Variants in BLTP1 observed in about 807,000 individuals in gnomAD.
BLTP1 encodes fragile site-associated protein.
chr4:122,285,597 A>T, the BLTP1 span, among the ~76,000 whole-genome samples: 1 of 152,198 alleles, frequency 6.6e-6, no homozygotes, highest in African/African-American at 2.4e-5. Context: ...AGTGAATGTG[A>T]CATATAGGAG....
At chr4:122,320,066 T>TA in the BLTP1 span, among the ~76,000 whole-genome samples, 58 of 152,288 alleles carry the variant, frequency 3.8e-4, no homozygotes, top group African/African-American at 1.3e-3. Context: ...TGATAAAGGG[T>TA]TATTGAGTCT....
At chr4:122,348,868 T>A in the BLTP1 span, 1 of 593,994 alleles carries the variant, frequency 1.7e-6, no homozygotes, top group Non-Finnish European at 2.9e-6. Flanking sequence ...GAAAATGGCT[T>A]AATTCTAAGG....
chr4:122,191,218 G>T, the BLTP1 span, among the ~76,000 whole-genome samples: 1 of 152,040 alleles, frequency 6.6e-6, no homozygotes, highest in Non-Finnish European at 1.5e-5. Context: ...AAATATTCTG[G>T]TGTCTTGAGG....
the BLTP1 span, chr4:122,154,386 A>T: frequency 4.1e-6 from 4 of 984,898 alleles, no homozygotes; most frequent in East Asian, 4.5e-4. Flanking sequence ...TGGTGGTGAT[A>T]TGTAATGTAA....
chr4:122,168,834 ATTTTC>A, the BLTP1 span, among the ~76,000 whole-genome samples: 2 of 152,092 alleles, frequency 1.3e-5, no homozygotes, highest in African/African-American at 4.8e-5. Flanking sequence ...GCTCTGTATT[ATTTTC>A]TTAAGAGATG....
the BLTP1 span, among the ~76,000 whole-genome samples, chr4:122,219,888 G>T: frequency 1.3e-5 from 2 of 152,056 alleles, no homozygotes; most frequent in Non-Finnish European, 2.9e-5. Flanking sequence ...CATTTTCTTA[G>T]CTTTTATCTC....
the BLTP1 span, chr4:122,334,486 C>T: frequency 6.2e-7 from 1 of 1,612,712 alleles, no homozygotes; most frequent in Non-Finnish European, 8.5e-7. Flanking sequence ...CCTTTACCTT[C>T]CACTGTCCAG....
At chr4:122,189,965 T>A in the BLTP1 span, 11 of 1,604,174 alleles carry the variant, frequency 6.9e-6, no homozygotes, top group Admixed American at 1.7e-5. Context: ...TTCTGGAGAT[T>A]TGTTTAGTTT....
chr4:122,341,500 T>C, the BLTP1 span, among the ~76,000 whole-genome samples: 3 of 152,202 alleles, frequency 2.0e-5, no homozygotes, highest in Admixed American at 1.3e-4. Context: ...CATAAATTAT[T>C]AGCACTTAAA....
chr4:122,231,626 G>A, the BLTP1 span: 137 of 954,956 alleles, frequency 1.4e-4, no homozygotes, highest in Non-Finnish European at 1.6e-4. Context: ...ATTTGAGAAA[G>A]CCATTCTTTT....
the BLTP1 span, among the ~76,000 whole-genome samples, chr4:122,159,819 C>G: frequency 6.6e-6 from 1 of 152,100 alleles, no homozygotes; most frequent in Admixed American, 6.6e-5. Context: ...GGTTTTAAAG[C>G]CTACTCTATT....
the BLTP1 span, chr4:122,207,266 G>T: frequency 1.3e-6 from 2 of 1,596,982 alleles, no homozygotes; most frequent in Admixed American, 1.8e-5. Context: ...CAGGAAAATG[G>T]TAAGACATTA....
At chr4:122,273,101 G>A in the BLTP1 span, 1 of 455,370 alleles carries the variant, frequency 2.2e-6, no homozygotes, top group African/African-American at 2.1e-5. Context: ...AAACCAGTGT[G>A]GTTTTTTTTC....
At chr4:122,242,711 A>G in the BLTP1 span, among the ~76,000 whole-genome samples, 1 of 152,162 alleles carries the variant, frequency 6.6e-6, no homozygotes, top group Non-Finnish European at 1.5e-5. Flanking sequence ...GCTTGAGAAA[A>G]AACTCAATTT....
chr4:122,265,787 CTCCCGGGTTCA>C, the BLTP1 span, among the ~76,000 whole-genome samples: 1 of 152,244 alleles, frequency 6.6e-6, no homozygotes, highest in South Asian at 2.1e-4. Flanking sequence ...CAAGCTCCAC[CTCCCGGGTTCA>C]CGCCATTCTC....
the BLTP1 span, among the ~76,000 whole-genome samples, chr4:122,165,883 G>A: frequency 6.6e-6 from 1 of 150,552 alleles, no homozygotes; most frequent in Non-Finnish European, 1.5e-5. Context: ...TTTGAGAAGT[G>A]TCTGTTCATA....
the BLTP1 span, chr4:122,205,896 C>T: frequency 1.0e-6 from 1 of 972,876 alleles, no homozygotes; most frequent in African/African-American, 1.8e-5. Context: ...AGGAGGAGCC[C>T]TTTTATTGAA....
the BLTP1 span, among the ~76,000 whole-genome samples, chr4:122,291,201 C>T: frequency 6.6e-6 from 1 of 152,172 alleles, no homozygotes; most frequent in African/African-American, 2.4e-5. Flanking sequence ...GTGGCTAGAT[C>T]TGCTCCTTGA....
chr4:122,207,514 CTT>C, the BLTP1 span: 5,231 of 1,268,392 alleles, frequency 4.1e-3, no homozygotes, highest in Non-Finnish European at 4.3e-3. Flanking sequence ...ACTTTTTCTT[CTT>C]TTTTTTTTTT....
Sources: gnomAD v4.1 joint callset for allele counts (sites outside exome capture counted in the v4.1 genomes callset) on GRCh38, gnomAD v4.1.1 for gene constraint, MANE v1.5 for transcripts, NCBI Gene and HGNC (gene_info 2026-07-23, HGNC 2026-07-21) for gene names.